The following MCTP1 variants were observed in gnomAD, a reference collection of about 807,000 sequenced individuals.
MCTP1 encodes the protein multiple C2 and transmembrane domain containing 1.
MCTP1 carries 69 observed loss-of-function variants against 120.6 expected under a neutral mutation model. The ratio of observed to expected loss-of-function variants is 0.57; its 90% CI spans 0.47 to 0.70. The LOEUF (loss-of-function observed/expected upper bound fraction) is 0.70, where lower values mean the gene tolerates loss of function less well. MCTP1 is among the 30% of genes least tolerant of loss of function. MCTP1 has a pLI of 0.00. For synonymous variants in MCTP1, 529 were observed against 493.1 expected (o/e 1.07, Z -0.96); for missense variants, 1,203 against 1,248.8 (o/e 0.96, Z 0.55).
At chr5:95,236,086 C>T (rs1026756883) in intron 1 of MCTP1, among the ~76,000 whole-genome samples, 3 of 152,150 alleles carry the variant, frequency 2.0e-5, no homozygotes, top group East Asian at 1.9e-4. Context: ...TGGAAGAACA[C>T]GGTCACAAAA....
chr5:94,859,837 C>A (rs1795413537), intron 17 of MCTP1, among the ~76,000 whole-genome samples: 1 of 151,578 alleles, frequency 6.6e-6, no homozygotes, highest in Non-Finnish European at 1.5e-5. Context: ...CCTTGGTGAT[C>A]TATTATTTTA....
chr5:95,177,536 T>G (rs544592316), intron 1 of MCTP1, among the ~76,000 whole-genome samples: 249 of 152,340 alleles, frequency 1.6e-3, no homozygotes, highest in Non-Finnish European at 2.5e-3. Flanking sequence ...GAGTAGTATC[T>G]TAAAAGCTCT....
intron 1 of MCTP1, among the ~76,000 whole-genome samples, chr5:95,198,419 A>G (rs1750630989): frequency 6.6e-6 from 1 of 152,164 alleles, no homozygotes; most frequent in Non-Finnish European, 1.5e-5. Context: ...TTAGTACAGA[A>G]TTAAATAAAT....
rs1039003889 is a variant in MCTP1, at chr5:95,061,567, C to T, written c.721-44083G>A. Among the ~76,000 whole-genome samples, 78 of 149,146 alleles carry T rather than the reference C, an allele frequency of 5.2e-4. No homozygotes were observed. In the East Asian group the frequency reaches 7.7e-3, roughly 15 times the overall value. On this transcript the variant is annotated intron_variant, in intron 1 of 22. Coordinates refer to ENST00000515393, the MANE Select transcript of MCTP1 (RefSeq NM_024717.7). ...TCTCCTGCCTCAGCCTCCAAAGTAG[C>T]TGGGACTACAGGCGCCCGCCACTAC... is the stretch of plus-strand genomic sequence containing the variant.
intron 8 of MCTP1, 131 bp downstream of exon 8, chr5:94,917,765 T>A: frequency 1.6e-6 from 1 of 625,636 alleles, no homozygotes; most frequent in Non-Finnish European, 2.9e-6. Context: ...AAATTAAGAT[T>A]ACAATTCCTT....
At chr5:95,148,101 C>T (rs758465279) in intron 1 of MCTP1, among the ~76,000 whole-genome samples, 1 of 152,114 alleles carries the variant, frequency 6.6e-6, no homozygotes, top group Non-Finnish European at 1.5e-5. Context: ...TTGTAAGTGG[C>T]CTGATCTTTC....
intron 3 of MCTP1, among the ~76,000 whole-genome samples, chr5:94,952,791 C>A (rs997216545): frequency 3.3e-5 from 5 of 151,876 alleles, no homozygotes; most frequent in Non-Finnish European, 5.9e-5. Flanking sequence ...TCTCCCCCAT[C>A]ACCTTCACCC....
chr5:95,140,211 G>A (rs968153280), intron 1 of MCTP1, among the ~76,000 whole-genome samples: 1 of 152,204 alleles, frequency 6.6e-6, no homozygotes. Context: ...TTGCAAAAAT[G>A]TGTTTTTTGC....
At chr5:95,213,545 T>G (rs1365793553) in intron 1 of MCTP1, among the ~76,000 whole-genome samples, 5 of 144,840 alleles carry the variant, frequency 3.5e-5, no homozygotes, top group Non-Finnish European at 7.6e-5. Flanking sequence ...AAAAAGAGCC[T>G]GCATCGCCAA....
intron 1 of MCTP1, 60 bp downstream of exon 1, chr5:95,283,796 G>T: frequency 7.9e-7 from 1 of 1,258,462 alleles, no homozygotes; most frequent in Non-Finnish European, 1.0e-6. Flanking sequence ...GGTGGTGAAC[G>T]CCTGAAGAGG....
At position 94,873,503 on chromosome 5, in the gene MCTP1, C is replaced by A. The variant is rs114756719; in HGVS notation, c.1934-262G>T. ...ATTATATAGCTGGCACTTCAATTTG[C>A]AATTTTTTAAAGCAAAAATAATTCT... On this transcript the variant is annotated intron_variant, in intron 12 of 22. Coordinates refer to ENST00000515393, the MANE Select transcript of MCTP1 (RefSeq NM_024717.7). Among the ~76,000 whole-genome samples, 936 of 151,984 alleles carry A rather than the reference C, an allele frequency of 6.2e-3. 13 individuals are homozygous for A. The highest frequency in any genetic ancestry group is 0.022 in the African/African-American group (894 of 41,510).
intron 18 of MCTP1, among the ~76,000 whole-genome samples, chr5:94,795,814 C>T (rs1423985326): frequency 1.3e-5 from 2 of 152,212 alleles, no homozygotes; most frequent in South Asian, 2.1e-4. Flanking sequence ...TCTGAGTCTA[C>T]AGTTTTAACC....
intron 1 of MCTP1, among the ~76,000 whole-genome samples, chr5:95,043,870 G>C (rs1264814639): frequency 6.6e-6 from 1 of 152,208 alleles, no homozygotes; most frequent in Non-Finnish European, 1.5e-5. Context: ...AGGAACCAGA[G>C]AGTATAGCTT....
chr5:94,736,939 T>C (rs1764395320), intron 19 of MCTP1, among the ~76,000 whole-genome samples: 1 of 152,152 alleles, frequency 6.6e-6, no homozygotes, highest in Non-Finnish European at 1.5e-5. Flanking sequence ...AGAGAGCTAA[T>C]CCCAACAGAC....
intron 17 of MCTP1, among the ~76,000 whole-genome samples, chr5:94,802,169 A>G (rs1392449333): frequency 6.6e-6 from 1 of 152,188 alleles, no homozygotes; most frequent in East Asian, 1.9e-4. Flanking sequence ...TGGGTAATTG[A>G]GTGAGGAGCT....
chr5:95,118,754 T>C (rs1250582814), intron 1 of MCTP1, among the ~76,000 whole-genome samples: 1 of 152,204 alleles, frequency 6.6e-6, no homozygotes, highest in African/African-American at 2.4e-5. Context: ...TCAGCCAAAG[T>C]AGATTTCAAG....
chr5:94,852,081 G>A (rs1180726289), intron 17 of MCTP1, among the ~76,000 whole-genome samples: 7 of 151,628 alleles, frequency 4.6e-5, no homozygotes, highest in African/African-American at 1.7e-4. Flanking sequence ...AAGAAAGATT[G>A]AAAAAAGTAC....
chr5:94,969,149 T>C (rs1178437266), intron 2 of MCTP1, among the ~76,000 whole-genome samples: 3 of 152,202 alleles, frequency 2.0e-5, no homozygotes, highest in Non-Finnish European at 2.9e-5. Flanking sequence ...TTCTATAATG[T>C]TTACTCATGT....
intron 2 of MCTP1, among the ~76,000 whole-genome samples, chr5:94,999,843 T>C (rs1488437086): frequency 1.3e-5 from 2 of 152,156 alleles, no homozygotes; most frequent in African/African-American, 2.4e-5. Flanking sequence ...TTGGGGAATC[T>C]TGAAGAAAGG....
Sources: gnomAD v4.1 joint callset for allele counts (sites outside exome capture counted in the v4.1 genomes callset) on GRCh38, gnomAD v4.1.1 for gene constraint, MANE v1.5 for transcripts, NCBI Gene and HGNC (gene_info 2026-07-23, HGNC 2026-07-21) for gene names.